Variants in TRPC1 observed in about 807,000 individuals in gnomAD.
TRPC1 encodes the protein transient receptor potential cation channel subfamily C member 1.
Under a neutral mutation model 88.2 loss-of-function variants are expected in TRPC1, and 42 were observed. The observed-to-expected ratio is 0.48, with a 90% confidence interval of 0.37 to 0.62. TRPC1 has a LOEUF of 0.62. Ranked by LOEUF, TRPC1 falls within the 20% of genes least tolerant of loss-of-function variation. TRPC1 has a pLI of 0.00. For synonymous variants in TRPC1, 288 were observed against 331.8 expected (o/e 0.87, Z 1.43); for missense variants, 699 against 957.3 (o/e 0.73, Z 3.56).
chr3:142,729,224 T>G (rs1056771249), intron 1 of TRPC1, among the ~76,000 whole-genome samples: 7 of 152,254 alleles, frequency 4.6e-5, no homozygotes, highest in Non-Finnish European at 1.0e-4. Context: ...GGTAGTTCTA[T>G]GATACTGGTA....
intron 4 of TRPC1, among the ~76,000 whole-genome samples, chr3:142,769,683 T>A (rs529889731): frequency 1.6e-4 from 24 of 152,322 alleles, no homozygotes; most frequent in African/African-American, 2.9e-4. Flanking sequence ...GTGGGTTTTT[T>A]AAATAACTTT....
rs1936080900 is a variant in TRPC1 at position 142,784,829 on chromosome 3, A to G, written c.1086A>G (p.Pro362=). The G allele has an allele frequency of 3.1e-6, 5 of 1,614,170 alleles. No individual in the cohort carries two copies. Among genetic ancestry groups the G allele is most frequent in the Non-Finnish European group, 4.2e-6 (5 of 1,180,018 alleles). ...MTVLTVGIFW[P]VLSLCYLIAP... ...TTTTGACAGTAGGCATCTTTTGGCC[A>G]GTTTTGTCACTTTGTTATTTGATAG... The change falls in exon 7 of 13, where the codon CCA becomes CCG. Residue 362 remains proline, a synonymous_variant. Coordinates refer to ENST00000476941, the MANE Select transcript of TRPC1 (RefSeq NM_001251845.2).
chr3:142,763,192 G>A (rs965560495), intron 4 of TRPC1, among the ~76,000 whole-genome samples: 2 of 152,088 alleles, frequency 1.3e-5, no homozygotes, highest in Admixed American at 6.5e-5. Context: ...ATTAGATCTA[G>A]TGCGTAGTTT....
chr3:142,790,914 T>A (rs543021035), intron 7 of TRPC1, 105 bp from the exon 8 acceptor site: 1 of 967,736 alleles, frequency 1.0e-6, no homozygotes, highest in Non-Finnish European at 1.3e-6. Context: ...TTCTTTTGAA[T>A]AAGGCCCAAG....
At chr3:142,749,205 A>G (rs778518128) in intron 4 of TRPC1, among the ~76,000 whole-genome samples, 16 of 152,204 alleles carry the variant, frequency 1.1e-4, no homozygotes, top group Non-Finnish European at 2.1e-4. Context: ...TCATAGTGCA[A>G]CGCATTACTC....
At position 142,807,566 on chromosome 3, in the gene TRPC1, C is replaced by A. The variant is rs1389984358; in HGVS notation, c.*1331C>A. ...GCACCACCGATCCAGGGATCATTGT[C>A]TAAATAGGTTACTATTGTTTGTTTC... On this transcript the variant is annotated 3_prime_UTR_variant, in exon 13 of 13. Coordinates refer to ENST00000476941, the MANE Select transcript of TRPC1 (RefSeq NM_001251845.2). The A allele has an allele frequency of 6.6e-6, 1 of 152,170 alleles. No homozygotes were observed. Among genetic ancestry groups the A allele is most frequent in the African/African-American group, 2.4e-5 (1 of 41,446 alleles). 9.4% of individuals were successfully genotyped at this position (152,170 alleles called of 1,614,324 possible).
In TRPC1 at chr3:142,803,687, T is replaced by C. The variant is rs575341077; in HGVS notation, c.1758-290T>C. Among the ~76,000 whole-genome samples the C allele has an allele frequency of 2.0e-5, 3 of 152,242 alleles. No homozygotes were observed. In the South Asian group the frequency reaches 6.2e-4, roughly 32 times the overall value. ...GTCATTTGAAGGTTTTGAGCAGAGG[T>C]GTGACAAAATCTAATTAGATGTTAA... is the stretch of plus-strand genomic sequence containing the variant. On this transcript the variant is annotated intron_variant, in intron 10 of 12. Coordinates refer to ENST00000476941, the MANE Select transcript of TRPC1 (RefSeq NM_001251845.2).
intron 10 of TRPC1, among the ~76,000 whole-genome samples, 179 bp from the exon 11 acceptor site, chr3:142,803,798 C>A (rs1388411098): frequency 6.6e-6 from 1 of 152,154 alleles, no homozygotes; most frequent in Non-Finnish European, 1.5e-5. Context: ...TCCTTAGGGT[C>A]TCTTTGTTTA....
rs144211932 is a variant in TRPC1 at position 142,793,319 on chromosome 3, T to A, written c.1581+352T>A. Among the ~76,000 whole-genome samples, 20 of 152,160 alleles carry A rather than the reference T, an allele frequency of 1.3e-4. No homozygotes were observed. The East Asian group carries it at 3.9e-3, about 29-fold the overall frequency. On this transcript the variant is annotated intron_variant, in intron 9 of 12. Coordinates refer to ENST00000476941, the MANE Select transcript of TRPC1 (RefSeq NM_001251845.2). ...CATTTAAAGTTTTAAATATTTTAGGTTATAAGTATAAAGGAGGACCTGTGC... is the reference window on the plus strand; with the variant it reads ...CATTTAAAGTTTTAAATATTTTAGGATATAAGTATAAAGGAGGACCTGTGC...
At chr3:142,757,972 T>TTATA (rs1477017954) in intron 4 of TRPC1, among the ~76,000 whole-genome samples, 1 of 152,172 alleles carries the variant, frequency 6.6e-6, no homozygotes, top group Non-Finnish European at 1.5e-5. Context: ...AACAATCCAA[T>TTATA]TATACTCTTT....
chr3:142,763,989 TACATACATAC>T lies in TRPC1; in HGVS notation c.633-13641_633-13632del, dbSNP rs1560105018. 7.9e-3 allele frequency among the ~76,000 whole-genome samples: 512 copies of T among 64,958 alleles called. 40 individuals are homozygous for T. Among genetic ancestry groups the T allele is most frequent in the African/African-American group, 0.053 (457 of 8,662 alleles). The allele number at this position is 64,958 out of a possible 152,430, so 42.6% of individuals were successfully genotyped here. A position where few individuals can be genotyped will look rare whatever the true frequency, so the allele number is the denominator to read the frequency against. ...ATATATATATATATATATATACACA[TACATACATAC>T]ATATATATATATATATAACAAATTA... On this transcript the variant is annotated intron_variant, in intron 4 of 12. Coordinates refer to ENST00000476941, the MANE Select transcript of TRPC1 (RefSeq NM_001251845.2).
chr3:142,795,256 T>C (rs1156928380), intron 9 of TRPC1, among the ~76,000 whole-genome samples: 1 of 152,102 alleles, frequency 6.6e-6, no homozygotes, highest in East Asian at 1.9e-4. Flanking sequence ...ACTAATGTAA[T>C]TGGAATCCCT....
At chr3:142,752,085 A>G (rs944468208) in intron 4 of TRPC1, among the ~76,000 whole-genome samples, 7 of 152,088 alleles carry the variant, frequency 4.6e-5, no homozygotes, top group African/African-American at 1.7e-4. Context: ...GGGTATTTCT[A>G]GTTGGGTGGG....
At chr3:142,729,728 T>C (rs1055413270) in intron 1 of TRPC1, among the ~76,000 whole-genome samples, 1 of 152,142 alleles carries the variant, frequency 6.6e-6, no homozygotes, top group Admixed American at 6.5e-5. Flanking sequence ...TGCTAACTCT[T>C]CCAAATTTAA....
intron 4 of TRPC1, among the ~76,000 whole-genome samples, chr3:142,748,941 C>T (rs1278409810): frequency 3.3e-5 from 5 of 152,202 alleles, no homozygotes; most frequent in Admixed American, 6.5e-5. Context: ...ATGTTAAGAA[C>T]AACTGAGGAT....
chr3:142,806,232 T>A lies in TRPC1; in HGVS notation c.2379T>A (p.Asn793Lys). ...AATATGCTATGTTTTATCCAAGAAA[T>A]TAACCATTTTCTAAATCATGGAGCG... ...TSKYAMFYPR[N>K] Residue 793 changes from asparagine (N) to lysine (K), a missense_variant, in exon 13 of 13, where the codon AAT becomes AAA. Physicochemically the swap from Asn to Lys is moderately conservative, Grantham distance 94. Around this residue, in one of 4 missense-constraint regions of TRPC1, gnomAD observed 105 missense variants for 141.7 expected, o/e 0.74. Transcript: ENST00000476941. 3 of 1,597,778 alleles carry A rather than the reference T, an allele frequency of 1.9e-6. No homozygotes were observed. Among genetic ancestry groups the A allele is most frequent in the Non-Finnish European group, 2.6e-6 (3 of 1,167,874 alleles).
In TRPC1 at chr3:142,724,462, C is replaced by G. The variant is rs990262305; in HGVS notation, c.-98C>G. The G allele has an allele frequency of 2.4e-6, 3 of 1,260,966 alleles. No homozygotes were observed. The highest frequency in any genetic ancestry group is 1.6e-5 in the African/African-American group (1 of 63,312). The allele number at this position is 1,260,966 out of a possible 1,614,324, so 78.1% of individuals were successfully genotyped here. Reference sequence around the variant, plus strand: ...GAGGCAGCAGTGGGAACGACTCATCCTTTTTCCAGCCCTGGGGCGTGGCTG... The same window carrying G: ...GAGGCAGCAGTGGGAACGACTCATCGTTTTTCCAGCCCTGGGGCGTGGCTG... On this transcript the variant is annotated 5_prime_UTR_variant, in exon 1 of 13. Transcript: ENST00000476941. The surrounding 1 kb of genome is among the most constrained non-coding windows in gnomAD (Gnocchi z 5.6).
At chr3:142,739,014 C>T (rs987788914) in intron 2 of TRPC1, among the ~76,000 whole-genome samples, 1 of 152,018 alleles carries the variant, frequency 6.6e-6, no homozygotes, top group Non-Finnish European at 1.5e-5. Context: ...TCTTGTTGCC[C>T]AGGCTGGAGT....
intron 4 of TRPC1, among the ~76,000 whole-genome samples, chr3:142,756,423 G>A (rs1197746924): frequency 6.7e-6 from 1 of 150,346 alleles, no homozygotes; most frequent in African/African-American, 2.5e-5. Context: ...GCAGTGGCGC[G>A]ATTTCAGCTC....
Sources: gnomAD v4.1 joint callset for allele counts (sites outside exome capture counted in the v4.1 genomes callset) on GRCh38, gnomAD v4.1.1 for gene constraint, gnomAD v4.1.1 regional missense constraint, Gnocchi (gnomAD v3.1) non-coding constraint, MANE v1.5 for transcripts, NCBI Gene and HGNC (gene_info 2026-07-23, HGNC 2026-07-21) for gene names.